Variants in ROR1 observed in about 807,000 individuals in gnomAD.
The protein encoded by ROR1 is ROR family WNT receptor 1, also known as inactive tyrosine-protein kinase transmembrane receptor ROR1.
Under a neutral mutation model 78.8 loss-of-function variants are expected in ROR1, and 19 were observed. That is an observed-to-expected ratio of 0.24 (90% CI 0.17 to 0.35). The LOEUF is 0.35. Ranked by LOEUF, ROR1 falls within the 10% of genes least tolerant of loss-of-function variation. ROR1 has a pLI of 1.00. For missense variants in ROR1, 917 were observed against 1,177.8 expected (o/e 0.78, Z 3.24); for synonymous variants, 386 against 433.6 (o/e 0.89, Z 1.36).
At chr1:63,812,234 C>T (rs551429375) in intron 1 of ROR1, among the ~76,000 whole-genome samples, 1 of 152,102 alleles carries the variant, frequency 6.6e-6, no homozygotes, top group Admixed American at 6.5e-5. Flanking sequence ...TGCTGGAGTT[C>T]GCTAACCAAG....
intron 1 of ROR1, among the ~76,000 whole-genome samples, chr1:63,977,148 C>T (rs1646168215): frequency 6.6e-6 from 1 of 152,118 alleles, no homozygotes; most frequent in African/African-American, 2.4e-5. Flanking sequence ...GAGGTAATTG[C>T]CCCCCATGAT....
At chr1:63,779,118 T>G (rs1644635374) in intron 1 of ROR1, among the ~76,000 whole-genome samples, 1 of 152,248 alleles carries the variant, frequency 6.6e-6, no homozygotes, top group South Asian at 2.1e-4. Context: ...TTGGATGGCC[T>G]GGATCTCTGG....
intron 1 of ROR1, among the ~76,000 whole-genome samples, chr1:63,969,364 C>T (rs571932285): frequency 2.6e-5 from 4 of 152,250 alleles, no homozygotes; most frequent in African/African-American, 9.6e-5. Context: ...TGTGCAATCT[C>T]ACTTGAGAGT....
At chr1:64,047,783 G>C (rs992184649) in intron 2 of ROR1, among the ~76,000 whole-genome samples, 1 of 152,190 alleles carries the variant, frequency 6.6e-6, no homozygotes, top group African/African-American at 2.4e-5. Flanking sequence ...ATATAGATTG[G>C]AGAAACATGC....
At chr1:63,879,586 G>A (rs1348483355) in intron 1 of ROR1, among the ~76,000 whole-genome samples, 1 of 152,112 alleles carries the variant, frequency 6.6e-6, no homozygotes, top group Non-Finnish European at 1.5e-5. Flanking sequence ...AAAACACTGC[G>A]TATTATATCC....
chr1:64,010,514 A>G (rs530295387), intron 2 of ROR1, among the ~76,000 whole-genome samples: 2 of 152,144 alleles, frequency 1.3e-5, no homozygotes, highest in African/African-American at 2.4e-5. Context: ...ACATTCAGCA[A>G]ACTTACTGAG....
At chr1:63,837,308 ATGGCTGGTG>A (rs1645023654) in intron 1 of ROR1, among the ~76,000 whole-genome samples, 1 of 152,114 alleles carries the variant, frequency 6.6e-6, no homozygotes, top group African/African-American at 2.4e-5. Flanking sequence ...AGATTGTGTT[ATGGCTGGTG>A]TTTTGAAAGT....
At chr1:63,953,367 A>G (rs181758791) in intron 1 of ROR1, among the ~76,000 whole-genome samples, 3 of 152,314 alleles carry the variant, frequency 2.0e-5, no homozygotes, top group African/African-American at 4.8e-5. Flanking sequence ...ACTGAGCCCT[A>G]TATTTACTAT....
intron 1 of ROR1, among the ~76,000 whole-genome samples, chr1:63,961,706 G>A (rs914761857): frequency 5.9e-5 from 9 of 152,062 alleles, no homozygotes; most frequent in Non-Finnish European, 1.3e-4. Flanking sequence ...GAGTGGAGAG[G>A]GATATGAAAT....
At chr1:64,063,682 C>T (rs557278389) in intron 4 of ROR1, among the ~76,000 whole-genome samples, 10 of 152,232 alleles carry the variant, frequency 6.6e-5, no homozygotes, top group Non-Finnish European at 1.3e-4. Flanking sequence ...CACAGTCACA[C>T]ATGCTCCAGA....
At chr1:63,831,436 G>T (rs1569784620) in intron 1 of ROR1, among the ~76,000 whole-genome samples, 1 of 152,312 alleles carries the variant, frequency 6.6e-6, no homozygotes, top group East Asian at 1.9e-4. Context: ...GCACTCGCAG[G>T]CCCAACACCA....
chr1:64,012,891 A>G (rs948842492), intron 2 of ROR1, among the ~76,000 whole-genome samples: 2 of 152,226 alleles, frequency 1.3e-5, no homozygotes, highest in Admixed American at 1.3e-4. Context: ...AAATGGTCTT[A>G]AAGTGATACA....
chr1:63,967,982 A>G (rs1646089114), intron 1 of ROR1, among the ~76,000 whole-genome samples: 1 of 152,198 alleles, frequency 6.6e-6, no homozygotes, highest in South Asian at 2.1e-4. Context: ...CAATAGATAC[A>G]CAAATTCCTT....
intron 1 of ROR1, among the ~76,000 whole-genome samples, chr1:63,829,343 A>G (rs1212216225): frequency 6.6e-6 from 1 of 152,242 alleles, no homozygotes; most frequent in Non-Finnish European, 1.5e-5. Context: ...GAGCTTAATA[A>G]TTGGACAAAT....
intron 4 of ROR1, among the ~76,000 whole-genome samples, chr1:64,128,612 C>A (rs981568441): frequency 2.6e-5 from 4 of 152,102 alleles, no homozygotes; most frequent in Non-Finnish European, 4.4e-5. Flanking sequence ...ACTTATTGAA[C>A]GTTTATTTAT....
intron 4 of ROR1, among the ~76,000 whole-genome samples, chr1:64,063,060 A>G (rs1557633758): frequency 1.3e-5 from 2 of 152,230 alleles, no homozygotes; most frequent in South Asian, 2.1e-4. Flanking sequence ...TGAAACCCCA[A>G]AGATATGGTT....
chr1:63,865,343 G>C (rs1253936071), intron 1 of ROR1, among the ~76,000 whole-genome samples: 1 of 152,114 alleles, frequency 6.6e-6, no homozygotes, highest in African/African-American at 2.4e-5. Context: ...GTCTAAATGA[G>C]TAATACAACT....
chr1:63,943,966 C>T (rs1645862717), intron 1 of ROR1, among the ~76,000 whole-genome samples: 2 of 152,030 alleles, frequency 1.3e-5, no homozygotes, highest in South Asian at 4.1e-4. Flanking sequence ...CATAGCATCA[C>T]CTTCATTTAC....
chr1:64,064,361 G>A (rs1646940512), intron 4 of ROR1, among the ~76,000 whole-genome samples: 1 of 152,170 alleles, frequency 6.6e-6, no homozygotes, highest in South Asian at 2.1e-4. Flanking sequence ...AAAGAAATGG[G>A]AGAAACAACT....
Sources: gnomAD v4.1 joint callset for allele counts (sites outside exome capture counted in the v4.1 genomes callset) on GRCh38, gnomAD v4.1.1 for gene constraint, MANE v1.5 for transcripts, NCBI Gene and HGNC (gene_info 2026-07-23, HGNC 2026-07-21) for gene names.